The following ASIC2 variants were observed in gnomAD, a reference collection of about 807,000 sequenced individuals.
The protein encoded by ASIC2 is acid sensing ion channel subunit 2, also known as acid-sensing ion channel 2.
In ASIC2, 25 loss-of-function variants were observed where a neutral mutation model predicts 57.3. The ratio of observed to expected loss-of-function variants is 0.44; its 90% CI spans 0.32 to 0.61. The LOEUF is 0.61. Among genes scored for constraint, ASIC2 ranks in the 20% least tolerant of loss-of-function variants. ASIC2 has a pLI of 0.06. For missense variants in ASIC2, 641 were observed against 738.1 expected, an observed-to-expected ratio of 0.87 and a Z score of 1.52; for synonymous variants, 319 against 307.5, an observed-to-expected ratio of 1.04 and a Z score of -0.39.
chr17:33,855,427 A>G (rs74818466), intron 1 of ASIC2, among the ~76,000 whole-genome samples: 280 of 152,342 alleles, frequency 1.8e-3, no homozygotes, highest in Non-Finnish European at 2.9e-3. Flanking sequence ...AAATTCAGGT[A>G]TAGTAATATT....
At chr17:33,381,451 C>G (rs1909485612) in intron 1 of ASIC2, among the ~76,000 whole-genome samples, 1 of 152,224 alleles carries the variant, frequency 6.6e-6, no homozygotes, top group Non-Finnish European at 1.5e-5. Flanking sequence ...CTTCACATAG[C>G]CTGCTGGTCT....
Position 33,153,521 on chromosome 17 carries a change from G to T in ASIC2, c.709-41454C>A, listed in dbSNP as rs1332760080. Reference sequence around the variant, plus strand: ...GAACACATTCCAGTCTTTGGAAAGTGGGAGGGAGGCATGGTGTCTGGTTTC... The same window carrying T: ...GAACACATTCCAGTCTTTGGAAAGTTGGAGGGAGGCATGGTGTCTGGTTTC... On this transcript the variant is annotated intron_variant, in intron 1 of 9. Transcript: ENST00000225823. 4.6e-5 allele frequency among the ~76,000 whole-genome samples: 7 copies of T among 152,338 alleles called. No homozygotes were observed. In the South Asian group the frequency reaches 6.2e-4, roughly 14 times the overall value.
chr17:34,132,979 G>GCCA (rs1912035183), intron 1 of ASIC2, among the ~76,000 whole-genome samples: 1 of 152,154 alleles, frequency 6.6e-6, no homozygotes, highest in East Asian at 1.9e-4. Context: ...CCTGTTTGGG[G>GCCA]TCACCCCAAT....
chr17:33,886,363 G>C (rs944840540), intron 1 of ASIC2, among the ~76,000 whole-genome samples: 3 of 152,096 alleles, frequency 2.0e-5, no homozygotes, highest in Non-Finnish European at 4.4e-5. Context: ...GATTCCGATC[G>C]TAAAGGAACA....
intron 1 of ASIC2, among the ~76,000 whole-genome samples, chr17:33,799,394 C>CT (rs769228496): frequency 0.48 from 52,028 of 109,284 alleles, 13,344 homozygotes; most frequent in Non-Finnish European, 0.58. Context: ...TTCTTTCTTT[C>CT]TTTCTTTCTT....
chr17:33,429,367 T>C (rs1597725366), intron 1 of ASIC2, among the ~76,000 whole-genome samples: 1 of 152,062 alleles, frequency 6.6e-6, no homozygotes, highest in African/African-American at 2.4e-5. Context: ...TCAGCCTAGG[T>C]AGTTTTTTGT....
intron 1 of ASIC2, among the ~76,000 whole-genome samples, chr17:33,912,705 T>C (rs1037723178): frequency 3.5e-5 from 2 of 57,562 alleles, no homozygotes; most frequent in African/African-American, 1.3e-4. Context: ...TAGGGCCGGG[T>C]GAGGTGTCTC....
intron 1 of ASIC2, among the ~76,000 whole-genome samples, chr17:34,032,508 A>G (rs1362414394): frequency 6.6e-6 from 1 of 152,228 alleles, no homozygotes; most frequent in African/African-American, 2.4e-5. Context: ...ATTCACACAT[A>G]ACAATATTAA....
intron 1 of ASIC2, chr17:34,002,629 C>T (rs570179750): frequency 4.3e-4 from 66 of 152,322 alleles, no homozygotes; most frequent in African/African-American, 1.5e-3. Context: ...AAAATTCCAA[C>T]ATCTTCATTT....
intron 1 of ASIC2, among the ~76,000 whole-genome samples, chr17:33,219,967 T>C (rs1184948119): frequency 6.6e-6 from 1 of 152,166 alleles, no homozygotes; most frequent in East Asian, 1.9e-4. Flanking sequence ...AGATGTCCCA[T>C]GGGGGTTAAG....
intron 1 of ASIC2, among the ~76,000 whole-genome samples, chr17:33,135,579 G>A (rs2092364114): frequency 6.6e-6 from 1 of 152,230 alleles, no homozygotes; most frequent in African/African-American, 2.4e-5. Context: ...GGAATGAGAG[G>A]TATGACAAGA....
chr17:33,351,382 G>A (rs190898138), intron 1 of ASIC2, among the ~76,000 whole-genome samples: 3 of 152,256 alleles, frequency 2.0e-5, no homozygotes, highest in Non-Finnish European at 2.9e-5. Flanking sequence ...TAGGCCAGAC[G>A]TTCATCTCTT....
In ASIC2 at chr17:33,047,339, C is replaced by G. The variant is rs569108987; in HGVS notation, c.988-18947G>C. Among the ~76,000 whole-genome samples, 85 of 152,156 alleles carry G rather than the reference C, an allele frequency of 5.6e-4. 1 individual carries two copies. The South Asian group carries it at 9.3e-3, about 17-fold the overall frequency. On this transcript the variant is annotated intron_variant, in intron 3 of 9. Transcript: ENST00000225823. ...GGAGCTACTTTACAGATCCCTCCCC[C>G]CACTTTTTGTTTTTTTTTAGAGACA...
chr17:33,523,916 A>G (rs1234792202), intron 1 of ASIC2, among the ~76,000 whole-genome samples: 1 of 152,200 alleles, frequency 6.6e-6, no homozygotes, highest in Non-Finnish European at 1.5e-5. Context: ...GTTCTCATCC[A>G]TAGCATAGCC....
chr17:33,129,989 C>T (rs942859475), intron 1 of ASIC2, among the ~76,000 whole-genome samples: 6 of 152,182 alleles, frequency 3.9e-5, no homozygotes, highest in African/African-American at 1.4e-4. Context: ...AGTTGCCCAG[C>T]CTCCCACCAC....
intron 2 of ASIC2, among the ~76,000 whole-genome samples, chr17:33,091,024 C>T (rs2092155520): frequency 6.6e-6 from 1 of 152,220 alleles, no homozygotes; most frequent in African/African-American, 2.4e-5. Flanking sequence ...AAACTCCTAT[C>T]CATATGCTCC....
intron 1 of ASIC2, among the ~76,000 whole-genome samples, chr17:33,438,768 A>G (rs1249268647): frequency 6.6e-6 from 1 of 151,734 alleles, no homozygotes; most frequent in Non-Finnish European, 1.5e-5. Context: ...CATGAGGCAC[A>G]TGACCTGGCC....
chr17:33,332,488 C>A (rs1426188443), intron 1 of ASIC2, among the ~76,000 whole-genome samples: 1 of 152,110 alleles, frequency 6.6e-6, no homozygotes, highest in Non-Finnish European at 1.5e-5. Flanking sequence ...TGTCTTATTT[C>A]AGACCAGTCA....
intron 1 of ASIC2, chr17:33,534,507 T>G (rs1915162195): frequency 6.6e-6 from 1 of 152,234 alleles, no homozygotes; most frequent in South Asian, 2.1e-4. Flanking sequence ...CAATGTCCTA[T>G]GCAGCCTTCA....
Sources: gnomAD v4.1 joint callset for allele counts (sites outside exome capture counted in the v4.1 genomes callset) on GRCh38, gnomAD v4.1.1 for gene constraint, MANE v1.5 for transcripts, NCBI Gene and HGNC (gene_info 2026-07-23, HGNC 2026-07-21) for gene names.